SLIT3: variants seen among roughly 807,000 people sequenced by gnomAD.
SLIT3 encodes the protein slit guidance ligand 3, also known as slit homolog 3 protein.
Under a neutral mutation model 184.0 loss-of-function variants are expected in SLIT3, and 68 were observed. The observed-to-expected ratio is 0.37, with a 90% CI of 0.30 to 0.45. The LOEUF is 0.45. SLIT3 is among the 20% of genes least tolerant of loss of function. SLIT3 has a pLI of 1.00. For missense variants in SLIT3, 1,707 were observed against 2,026.0 expected (o/e 0.84, Z 3.02); for synonymous variants, 831 against 828.6 (o/e 1.00, Z -0.05).
chr5:168,836,353 C>A (rs936456937), intron 6 of SLIT3, among the ~76,000 whole-genome samples: 3 of 152,134 alleles, frequency 2.0e-5, no homozygotes, highest in African/African-American at 7.2e-5. Context: ...ATACTGGTCA[C>A]CAAAGCCCCT....
At chr5:169,240,322 A>T (rs1765355436) in intron 3 of SLIT3, among the ~76,000 whole-genome samples, 1 of 151,676 alleles carries the variant, frequency 6.6e-6, no homozygotes, top group Non-Finnish European at 1.5e-5. Flanking sequence ...TGTTCTATTA[A>T]TTACCAAAAA....
chr5:169,201,348 T>C (rs1256632693), intron 3 of SLIT3, among the ~76,000 whole-genome samples: 1 of 152,198 alleles, frequency 6.6e-6, no homozygotes, highest in Non-Finnish European at 1.5e-5. Context: ...CAAGAACCCT[T>C]TTAAAAAATA....
At chr5:168,858,058 A>C (rs1758962503) in intron 5 of SLIT3, among the ~76,000 whole-genome samples, 2 of 152,186 alleles carry the variant, frequency 1.3e-5, no homozygotes, top group African/African-American at 4.8e-5. Context: ...CCCATTTGTC[A>C]CAGAAACAGC....
chr5:168,996,725 G>A (rs1755521859), intron 4 of SLIT3, among the ~76,000 whole-genome samples: 1 of 152,114 alleles, frequency 6.6e-6, no homozygotes, highest in Non-Finnish European at 1.5e-5. Flanking sequence ...CCAGTGACTT[G>A]GCATCAGGTC....
intron 6 of SLIT3, among the ~76,000 whole-genome samples, chr5:168,828,256 G>A (rs1757764838): frequency 6.6e-6 from 1 of 152,158 alleles, no homozygotes; most frequent in Admixed American, 6.5e-5. Flanking sequence ...CGGAACCTAG[G>A]GGAAGGCCCT....
chr5:168,835,810 C>CAAA (rs11427871), intron 6 of SLIT3, among the ~76,000 whole-genome samples: 1 of 138,514 alleles, frequency 7.2e-6, no homozygotes, highest in South Asian at 2.4e-4. Context: ...GACTCCATCT[C>CAAA]AAAAAAAAAA....
intron 5 of SLIT3, among the ~76,000 whole-genome samples, chr5:168,869,477 G>A (rs1759432420): frequency 6.6e-6 from 1 of 152,158 alleles, no homozygotes; most frequent in South Asian, 2.1e-4. Context: ...ATGCAGTCAG[G>A]GTTTGACAAA....
chr5:168,855,952 TA>T (rs1480672167), intron 5 of SLIT3, among the ~76,000 whole-genome samples: 1 of 151,774 alleles, frequency 6.6e-6, no homozygotes, highest in Non-Finnish European at 1.5e-5. Flanking sequence ...ACTAAAAATA[TA>T]AAAAAATTAC....
intron 4 of SLIT3, among the ~76,000 whole-genome samples, chr5:169,063,516 C>A (rs958439228): frequency 6.6e-6 from 1 of 152,234 alleles, no homozygotes; most frequent in Non-Finnish European, 1.5e-5. Flanking sequence ...TGACCCGCCT[C>A]GGGGGCACAC....
intron 7 of SLIT3, among the ~76,000 whole-genome samples, chr5:168,820,302 T>C (rs1279825793): frequency 1.3e-5 from 2 of 152,196 alleles, no homozygotes; most frequent in Non-Finnish European, 2.9e-5. Context: ...CTTCTGCTTT[T>C]GTTCCTGATG....
intron 14 of SLIT3, among the ~76,000 whole-genome samples, chr5:168,767,905 C>T (rs974106690): frequency 6.6e-6 from 1 of 152,184 alleles, no homozygotes; most frequent in Non-Finnish European, 1.5e-5. Flanking sequence ...CCTTGTCTGA[C>T]ATCCAGACTA....
At chr5:169,186,307 C>T (rs1763333019) in intron 4 of SLIT3, among the ~76,000 whole-genome samples, 1 of 152,112 alleles carries the variant, frequency 6.6e-6, no homozygotes, top group Non-Finnish European at 1.5e-5. Flanking sequence ...GAGGCACAAC[C>T]ACGTGAGGAG....
At chr5:168,986,314 G>C (rs1755127441) in intron 4 of SLIT3, among the ~76,000 whole-genome samples, 1 of 152,128 alleles carries the variant, frequency 6.6e-6, no homozygotes, top group Admixed American at 6.5e-5. Flanking sequence ...AGATCGGTCA[G>C]TTTGTGAAGG....
At chr5:168,929,259 C>T (rs547269720) in intron 4 of SLIT3, among the ~76,000 whole-genome samples, 2 of 152,216 alleles carry the variant, frequency 1.3e-5, no homozygotes, top group Admixed American at 6.5e-5. Context: ...TATTAATGTT[C>T]CATAATAATA....
intron 4 of SLIT3, among the ~76,000 whole-genome samples, chr5:169,055,911 CCAT>C (rs1439304042): frequency 1.3e-5 from 2 of 151,796 alleles, no homozygotes; most frequent in South Asian, 4.2e-4. Context: ...GCTGTGTTGG[CCAT>C]CATACGAAAT....
chr5:168,902,709 C>T (rs1477705794), intron 4 of SLIT3, among the ~76,000 whole-genome samples: 4 of 152,200 alleles, frequency 2.6e-5, no homozygotes, highest in Non-Finnish European at 5.9e-5. Context: ...ATAACCCCTC[C>T]ATGTGATGCT....
chr5:168,748,532 T>A, intron 19 of SLIT3, 98 bp from the exon 20 acceptor site: 1 of 1,198,152 alleles, frequency 8.3e-7, no homozygotes, highest in Non-Finnish European at 1.1e-6. Context: ...AGACAAGTTG[T>A]CCCCTGTCCC....
intron 4 of SLIT3, among the ~76,000 whole-genome samples, chr5:169,142,587 C>T (rs1025008809): frequency 2.0e-5 from 3 of 152,160 alleles, no homozygotes; most frequent in Non-Finnish European, 4.4e-5. Flanking sequence ...AACTATGGTG[C>T]GCCACCCCTG....
chr5:169,156,036 A>T (rs1762294160), intron 4 of SLIT3, among the ~76,000 whole-genome samples: 1 of 152,216 alleles, frequency 6.6e-6, no homozygotes, highest in African/African-American at 2.4e-5. Context: ...TTCCACAGAA[A>T]GTTATTTTAC....
Sources: gnomAD v4.1 joint callset for allele counts (sites outside exome capture counted in the v4.1 genomes callset) on GRCh38, gnomAD v4.1.1 for gene constraint, MANE v1.5 for transcripts, NCBI Gene and HGNC (gene_info 2026-07-23, HGNC 2026-07-21) for gene names.